The following GRIP1 variants were observed in gnomAD, a reference collection of about 807,000 sequenced individuals.
GRIP1 encodes the protein glutamate receptor interacting protein 1, also known as glutamate receptor-interacting protein 1.
In GRIP1, 45 loss-of-function variants were observed where a neutral mutation model predicts 129.9. The ratio of observed to expected loss-of-function variants is 0.35; its 90% CI spans 0.27 to 0.44. The LOEUF (loss-of-function observed/expected upper bound fraction) is 0.44, where lower values mean the gene tolerates loss of function less well. GRIP1 is among the 20% of genes least tolerant of loss of function. The pLI is 1.00. For synonymous variants in GRIP1, 530 were observed against 520.8 expected (o/e 1.02, Z -0.24); for missense variants, 1,196 against 1,396.8 (o/e 0.86, Z 2.29).
intron 1 of GRIP1, among the ~76,000 whole-genome samples, chr12:66,800,671 AAC>A (rs1480519603): frequency 6.6e-6 from 1 of 152,172 alleles, no homozygotes; most frequent in Non-Finnish European, 1.5e-5. Flanking sequence ...ACATTACCAT[AAC>A]ACAGTATTTA....
intron 1 of GRIP1, among the ~76,000 whole-genome samples, chr12:66,936,426 C>CAAAA (rs35370978): frequency 1.1e-5 from 1 of 88,108 alleles, no homozygotes; most frequent in African/African-American, 4.1e-5. Flanking sequence ...ACCCTGTCTC[C>CAAAA]AAAAAAAAAA....
chr12:66,807,401 C>A (rs1047906368), upstream of GRIP1, among the ~76,000 whole-genome samples: 1 of 152,024 alleles, frequency 6.6e-6, no homozygotes, highest in East Asian at 1.9e-4. Context: ...TGGCCAGGCG[C>A]GGTGGCTCAC....
At chr12:66,422,007 G>A (rs1007437454) in intron 14 of GRIP1, among the ~76,000 whole-genome samples, 2 of 152,140 alleles carry the variant, frequency 1.3e-5, no homozygotes, top group Non-Finnish European at 1.5e-5. Context: ...TCCAAGAGGA[G>A]ATATTTTGCC....
At chr12:66,380,083 T>A (rs7485244) in intron 19 of GRIP1, among the ~76,000 whole-genome samples, 2 of 151,940 alleles carry the variant, frequency 1.3e-5, no homozygotes, top group Admixed American at 6.6e-5. Context: ...TTTTTTTTTT[T>A]ATTTTTAGTA....
chr12:66,917,975 CGG>C (rs1491440485), intron 1 of GRIP1, among the ~76,000 whole-genome samples: 4,534 of 147,634 alleles, frequency 0.031, 203 homozygotes, highest in African/African-American at 0.11. Flanking sequence ...CACACACACA[CGG>C]AGAGAGAGAG....
intron 1 of GRIP1, among the ~76,000 whole-genome samples, chr12:66,881,418 C>A (rs1339574759): frequency 6.6e-6 from 1 of 152,130 alleles, no homozygotes; most frequent in African/African-American, 2.4e-5. Flanking sequence ...AATCTCTGTG[C>A]TAAAAATTAC....
At position 67,051,581 on chromosome 12, in the gene GRIP1, A is replaced by G. The variant is rs141407700; in HGVS notation, c.58+17469T>C. Among the ~76,000 whole-genome samples, 942 of 152,318 alleles carry G rather than the reference A, an allele frequency of 6.2e-3. 11 individuals are homozygous for G. The highest frequency in any genetic ancestry group is 0.02 in the African/African-American group (851 of 41,578). On this transcript the variant is annotated intron_variant, in intron 1 of 1. Coordinates refer to the GRIP1 transcript ENST00000643019. ...TTCCCTGTATATTTTGTGTTGAAAG[A>G]TTCAGCTGAACTGGGCTAGACAATA... is the stretch of plus-strand genomic sequence containing the variant.
chr12:66,384,278 G>C (rs1283889340), intron 19 of GRIP1, among the ~76,000 whole-genome samples: 1 of 151,948 alleles, frequency 6.6e-6, no homozygotes, highest in Non-Finnish European at 1.5e-5. Context: ...GCTTTTTCTA[G>C]CAAAAAAATA....
At chr12:66,516,374 A>G (rs1310171151) in intron 6 of GRIP1, among the ~76,000 whole-genome samples, 2 of 152,166 alleles carry the variant, frequency 1.3e-5, no homozygotes, top group African/African-American at 4.8e-5. Flanking sequence ...CAGTGACACC[A>G]CAAAAGTACA....
chr12:66,403,947 C>G (rs1190597116), intron 16 of GRIP1, among the ~76,000 whole-genome samples: 1 of 152,188 alleles, frequency 6.6e-6, no homozygotes, highest in Non-Finnish European at 1.5e-5. Flanking sequence ...TTGGCTTTTT[C>G]ACTTTGCAAG....
In GRIP1 at chr12:66,515,734, C is replaced by T. The variant is rs763601332; in HGVS notation, c.609G>A (p.Leu203=). ...GAAGCCGAATTCCATCCACACTGAG[C>T]AACCTGTCACCGGGTTTGATCGTGC... ...REGTIKPGDR[L]LSVDGIRLLG... is the part of the protein sequence containing the mutation. The change falls in exon 7 of 25, where the codon TTG becomes TTA. Residue 203 remains leucine, a synonymous_variant. Coordinates refer to ENST00000359742, the MANE Select transcript of GRIP1 (RefSeq NM_001366722.1). 3 of 1,613,702 alleles carry T rather than the reference C, an allele frequency of 1.9e-6. No homozygotes were observed. Among genetic ancestry groups the T allele is most frequent in the South Asian group, 2.2e-5 (2 of 91,080 alleles).
chr12:66,890,486 G>A (rs948894895), intron 1 of GRIP1, among the ~76,000 whole-genome samples: 4 of 152,140 alleles, frequency 2.6e-5, no homozygotes, highest in Non-Finnish European at 4.4e-5. Context: ...ATGAACACAG[G>A]TGAACACAAG....
At chr12:67,012,956 G>C (rs2042732112) in intron 1 of GRIP1, among the ~76,000 whole-genome samples, 1 of 152,094 alleles carries the variant, frequency 6.6e-6, no homozygotes, top group South Asian at 2.1e-4. Context: ...AAATATAACA[G>C]CTTTGTAAAT....
intron 5 of GRIP1, among the ~76,000 whole-genome samples, chr12:66,524,778 A>G (rs2061161387): frequency 6.6e-6 from 1 of 152,128 alleles, no homozygotes; most frequent in Non-Finnish European, 1.5e-5. Flanking sequence ...TTGATAGACC[A>G]CTAGCAAGAC....
chr12:66,527,435 C>G (rs933832671), intron 5 of GRIP1, among the ~76,000 whole-genome samples: 5 of 151,774 alleles, frequency 3.3e-5, no homozygotes, highest in Admixed American at 2.0e-4. Context: ...GACAAAAAAC[C>G]AAACACTGCA....
At chr12:66,566,268 A>G (rs913748317) in intron 2 of GRIP1, among the ~76,000 whole-genome samples, 19 of 152,198 alleles carry the variant, frequency 1.2e-4, no homozygotes, top group African/African-American at 3.4e-4. Context: ...TATCATAAAT[A>G]GCTCTTATAT....
rs1368591124 is a variant in GRIP1, at chr12:66,455,650, G to A, written c.1199-86C>T. ...TTGTCAACCAGTAACAATCCAGAAA[G>A]ACACACATGATGCATAGCAATGGCT... On this transcript the variant is annotated intron_variant, in intron 10 of 24. Coordinates refer to ENST00000359742, the MANE Select transcript of GRIP1 (RefSeq NM_001366722.1). 10 of 1,234,102 alleles carry A rather than the reference G, an allele frequency of 8.1e-6. No homozygotes were observed. The East Asian group carries it at 2.3e-4, about 29-fold the overall frequency. 76.4% of individuals were successfully genotyped at this position (1,234,102 alleles called of 1,614,324 possible). A position where few individuals can be genotyped will look rare whatever the true frequency, so the allele number is the denominator to read the frequency against.
At chr12:66,746,556 A>G (rs1418609617) in intron 1 of GRIP1, among the ~76,000 whole-genome samples, 1 of 152,158 alleles carries the variant, frequency 6.6e-6, no homozygotes, top group African/African-American at 2.4e-5. Flanking sequence ...TTAAGGCACT[A>G]AGTGGGAACA....
At chr12:66,378,993 C>A (rs2055962977) in intron 20 of GRIP1, among the ~76,000 whole-genome samples, 3 of 151,872 alleles carry the variant, frequency 2.0e-5, no homozygotes, top group Non-Finnish European at 4.4e-5. Flanking sequence ...GGAGGGGGAC[C>A]TACTTGTCAT....
Sources: gnomAD v4.1 joint callset for allele counts (sites outside exome capture counted in the v4.1 genomes callset) on GRCh38, gnomAD v4.1.1 for gene constraint, MANE v1.5 for transcripts, NCBI Gene and HGNC (gene_info 2026-07-23, HGNC 2026-07-21) for gene names.